FAM110B: variants seen among roughly 807,000 people sequenced by gnomAD.
The protein encoded by FAM110B is family with sequence similarity 110 member B, also known as protein FAM110B.
FAM110B carries 6 observed loss-of-function variants against 20.4 expected under a neutral mutation model. The ratio of observed to expected loss-of-function variants is 0.29; its 90% confidence interval spans 0.16 to 0.58. FAM110B has a LOEUF of 0.58. FAM110B is among the 20% of genes least tolerant of loss of function. The pLI is 0.90. For synonymous variants in FAM110B, 226 were observed against 214.1 expected, an observed-to-expected ratio of 1.06 and a Z score of -0.49; for missense variants, 434 against 498.2, an observed-to-expected ratio of 0.87 and a Z score of 1.23.
Position 58,146,836 on chromosome 8 carries a change from C to A in FAM110B, c.606C>A (p.Asp202Glu). 6.2e-7 allele frequency: 1 copy of A among 1,612,160 alleles called. No individual in the cohort carries two copies. The highest frequency in any genetic ancestry group is 8.5e-7 in the Non-Finnish European group (1 of 1,178,812). Residue 202 changes from aspartate (D) to glutamate (E), a missense_variant, in exon 4 of 4, where the codon GAC becomes GAA. Transcript: ENST00000519262. The part of the protein sequence containing the change: ...SFLHVSHSSS[D>E]IRKVTSVKPL... ...TCCACGTGTCCCACAGCTCTTCGGA[C>A]ATCCGCAAGGTGACCAGCGTGAAGC...
chr8:58,069,801 C>T (rs1303118123), intron 2 of FAM110B, among the ~76,000 whole-genome samples: 2 of 152,000 alleles, frequency 1.3e-5, no homozygotes, highest in Non-Finnish European at 2.9e-5. Context: ...TTCACAGTAT[C>T]GATTTTATTA....
intron 2 of FAM110B, among the ~76,000 whole-genome samples, chr8:58,055,411 A>G (rs1805527036): frequency 3.9e-5 from 6 of 151,946 alleles, no homozygotes; most frequent in Admixed American, 3.9e-4. Context: ...TGTCTTTTCT[A>G]TTTGGGGTTA....
At chr8:58,022,912 C>T (rs1310147690) in intron 1 of FAM110B, among the ~76,000 whole-genome samples, 1 of 152,156 alleles carries the variant, frequency 6.6e-6, no homozygotes, top group African/African-American at 2.4e-5. Flanking sequence ...AAAGCCCTGC[C>T]CTCGCAGGTG....
chr8:57,998,825 A>C (rs540036451), intron 1 of FAM110B, among the ~76,000 whole-genome samples: 2 of 152,324 alleles, frequency 1.3e-5, no homozygotes, highest in East Asian at 3.9e-4. Flanking sequence ...ATTCTTTTTC[A>C]TCCTGTTTTA....
At chr8:57,995,222 A>G (rs1404091194) in intron 1 of FAM110B, among the ~76,000 whole-genome samples, 1 of 151,738 alleles carries the variant, frequency 6.6e-6, no homozygotes, top group Non-Finnish European at 1.5e-5. Flanking sequence ...TTGCTGCTGG[A>G]GGAGTGGGAC....
At chr8:58,059,543 T>C (rs1805615261) in intron 2 of FAM110B, among the ~76,000 whole-genome samples, 4 of 152,092 alleles carry the variant, frequency 2.6e-5, no homozygotes, top group African/African-American at 7.2e-5. Context: ...TTACAGATCA[T>C]TTGTGTTTGT....
At chr8:58,145,321 T>A (rs1051456510) in intron 3 of FAM110B, among the ~76,000 whole-genome samples, 1 of 152,172 alleles carries the variant, frequency 6.6e-6, no homozygotes, top group Non-Finnish European at 1.5e-5. Context: ...TGAGGTTTTT[T>A]TTTTTTTTTT....
intron 1 of FAM110B, chr8:58,031,285 G>C (rs1468936612): frequency 1.3e-5 from 2 of 152,194 alleles, no homozygotes; most frequent in Non-Finnish European, 2.9e-5. Flanking sequence ...GAGTTAGAAG[G>C]AGTGACATGT....
At chr8:58,113,409 G>T in intron 3 of FAM110B, 1 of 203,694 alleles carries the variant, frequency 4.9e-6, no homozygotes, top group South Asian at 9.5e-5. Context: ...TGTAAACCTT[G>T]ACTGTTTTGC....
At chr8:58,139,861 C>T (rs370006355) in intron 3 of FAM110B, among the ~76,000 whole-genome samples, 12 of 152,122 alleles carry the variant, frequency 7.9e-5, no homozygotes, top group Middle Eastern at 3.4e-3. Context: ...ACCCAGGAGG[C>T]GGAGCTTGCA....
At position 58,148,139 on chromosome 8, in the gene FAM110B, TAA is replaced by T. The variant is rs58388044; in HGVS notation, c.*808_*809del. The T allele has an allele frequency of 2.0e-3, 285 of 140,348 alleles. No homozygotes were observed. Among genetic ancestry groups the T allele is most frequent in the African/African-American group, 7.1e-4 (24 of 33,660 alleles). The allele number at this position is 140,348 out of a possible 1,614,324, so 8.7% of individuals were successfully genotyped here. Reference sequence around the variant, plus strand: ...CCCTAAAACAAATACTGAATGCCTTTAAAAAAAAAAAAAGTTGTGGTTTTTTG... The same window carrying T: ...CCCTAAAACAAATACTGAATGCCTTTAAAAAAAAAAAGTTGTGGTTTTTTG... On this transcript the variant is annotated 3_prime_UTR_variant, in exon 4 of 4. Transcript: ENST00000519262.
chr8:58,058,211 T>G (rs1409103144), intron 2 of FAM110B, among the ~76,000 whole-genome samples: 2 of 152,166 alleles, frequency 1.3e-5, no homozygotes, highest in African/African-American at 4.8e-5. Flanking sequence ...TGAAATTATT[T>G]AACTTAAAGT....
intron 1 of FAM110B, among the ~76,000 whole-genome samples, chr8:58,011,600 C>T (rs904424912): frequency 2.0e-5 from 3 of 152,074 alleles, no homozygotes; most frequent in Non-Finnish European, 2.9e-5. Flanking sequence ...GTAGGACTCT[C>T]GTGTGATACA....
chr8:58,147,047 G>T lies in FAM110B; in HGVS notation c.817G>T (p.Asp273Tyr), dbSNP rs1366785580. 6.2e-7 allele frequency: 1 copy of T among 1,614,116 alleles called. No individual in the cohort carries two copies. The highest frequency in any genetic ancestry group is 1.3e-5 in the African/African-American group (1 of 74,928). ...LSDRYFRVDA[D>Y]VERFFNYCGL... ...TGACAGATATTTCCGAGTGGACGCG[G>T]ACGTGGAGAGGTTCTTCAACTACTG... The change falls in exon 4 of 4, where the codon GAC (aspartate) becomes TAC (tyrosine). Residue 273 changes from aspartate (D) to tyrosine (Y), a missense_variant. Physicochemically the swap from Asp to Tyr is radical, Grantham distance 160. Around this residue, in one of 3 missense-constraint regions of FAM110B, gnomAD observed 94 missense variants for 137.8 expected, o/e 0.68. Transcript: ENST00000519262.
chr8:58,104,884 T>C (rs1407087725), intron 3 of FAM110B, among the ~76,000 whole-genome samples: 1 of 151,590 alleles, frequency 6.6e-6, no homozygotes, highest in East Asian at 1.9e-4. Flanking sequence ...GAATTTTAAC[T>C]GAGTAACTTT....
At chr8:58,126,572 GTCTC>G (rs1245340818) in intron 3 of FAM110B, among the ~76,000 whole-genome samples, 1 of 152,010 alleles carries the variant, frequency 6.6e-6, no homozygotes, top group Non-Finnish European at 1.5e-5. Context: ...TGGGTGGTGT[GTCTC>G]TCTCTCTTTT....
chr8:58,144,096 C>T (rs1170783585), intron 3 of FAM110B, among the ~76,000 whole-genome samples: 1 of 152,206 alleles, frequency 6.6e-6, no homozygotes, highest in Admixed American at 6.5e-5. Context: ...CTCCCACTGC[C>T]CACTAGGTGG....
chr8:58,035,087 C>T (rs1270392963), intron 2 of FAM110B, among the ~76,000 whole-genome samples: 1 of 152,106 alleles, frequency 6.6e-6, no homozygotes, highest in Non-Finnish European at 1.5e-5. Flanking sequence ...TCCTTTTATT[C>T]TTATTAGGTG....
At chr8:58,095,046 T>G (rs1806586392) in intron 3 of FAM110B, among the ~76,000 whole-genome samples, 1 of 152,238 alleles carries the variant, frequency 6.6e-6, no homozygotes, top group Non-Finnish European at 1.5e-5. Context: ...TAGAGGTGTT[T>G]ATAGTATTCT....
Sources: gnomAD v4.1 joint callset for allele counts (sites outside exome capture counted in the v4.1 genomes callset) on GRCh38, gnomAD v4.1.1 for gene constraint, gnomAD v4.1.1 regional missense constraint, MANE v1.5 for transcripts, NCBI Gene and HGNC (gene_info 2026-07-23, HGNC 2026-07-21) for gene names.